ARHGAP32: variants seen among roughly 807,000 people sequenced by gnomAD.
The protein encoded by ARHGAP32 is Rho GTPase activating protein 32.
ARHGAP32 carries 51 observed loss-of-function variants against 186.5 expected under a neutral mutation model. The ratio of observed to expected loss-of-function variants is 0.27; its 90% CI spans 0.22 to 0.35. ARHGAP32 has a LOEUF of 0.35. ARHGAP32 is among the 10% of genes least tolerant of loss of function. The pLI is 1.00. For synonymous variants in ARHGAP32, 950 were observed against 964.3 expected (o/e 0.99, Z 0.27); for missense variants, 2,186 against 2,623.5 (o/e 0.83, Z 3.64).
rs375747287 is a variant in ARHGAP32, at chr11:129,203,718, CAAAAAAA to C, written c.-4-39298_-4-39292del. 3.4e-3 allele frequency among the ~76,000 whole-genome samples: 275 copies of C among 81,602 alleles called. 4 individuals carry two copies. The highest frequency in any genetic ancestry group is 0.013 in the African/African-American group (262 of 20,444). The allele number at this position is 81,602 out of a possible 152,430, so 53.5% of individuals were successfully genotyped here. A position where few individuals can be genotyped will look rare whatever the true frequency, so the allele number is the denominator to read the frequency against. On this transcript the variant is annotated intron_variant, in intron 1 of 6. Transcript: ENST00000525234. The stretch of plus-strand genomic sequence containing the variant: ...CAGGTTGAACAAAGTCTTGTCTCTA[CAAAAAAA>C]AAAAAAAAAAGAAAGAAAAAAGAAA...
intron 2 of ARHGAP32, among the ~76,000 whole-genome samples, chr11:129,146,047 G>T (rs147686653): frequency 6.6e-6 from 1 of 151,962 alleles, no homozygotes; most frequent in Admixed American, 6.6e-5. Flanking sequence ...AAAACATTCC[G>T]CTTTTAAAGA....
chr11:129,184,579 A>G (rs1298978522), intron 1 of ARHGAP32, among the ~76,000 whole-genome samples: 1 of 152,038 alleles, frequency 6.6e-6, no homozygotes. Flanking sequence ...GTAAAAAGAA[A>G]TATATCATAA....
At chr11:129,122,498 T>C (rs1176697066) in intron 5 of ARHGAP32, among the ~76,000 whole-genome samples, 1 of 152,138 alleles carries the variant, frequency 6.6e-6, no homozygotes, top group African/African-American at 2.4e-5. Context: ...AAGAAATTTA[T>C]CATGTTAACT....
At chr11:129,272,861 C>T (rs1000176249) in intron 1 of ARHGAP32, among the ~76,000 whole-genome samples, 5 of 152,138 alleles carry the variant, frequency 3.3e-5, no homozygotes, top group African/African-American at 9.7e-5. Context: ...AAGGGTTATC[C>T]GTTGATTGCA....
intron 12 of ARHGAP32, among the ~76,000 whole-genome samples, chr11:128,989,052 A>T (rs1945961015): frequency 6.6e-6 from 1 of 152,186 alleles, no homozygotes; most frequent in Non-Finnish European, 1.5e-5. Flanking sequence ...AAACATTCAG[A>T]GTGGCAAATG....
Position 128,970,501 on chromosome 11 carries a change from T to A in ARHGAP32, c.4712A>T (p.Tyr1571Phe). ...GACAGAGGAGCTCAAAGAAGACACA[T>A]ACTCGACCCGGCTGCATGGCTTGGA... ...HHSKPCSRVE[Y>F]VSSLSSSVRN... The change falls in exon 23 of 23, where the codon TAT becomes TTT. Residue 1571 changes from tyrosine to phenylalanine, a missense_variant. Tyr to Phe is a conservative substitution (Grantham distance 22, BLOSUM62 3). Around this residue, in one of 5 missense-constraint regions of ARHGAP32, gnomAD observed 1,502 missense variants for 1,570.0 expected, o/e 0.96. Coordinates refer to ENST00000682385, the MANE Select transcript of ARHGAP32 (RefSeq NM_001378024.1). This position sits in a 1 kb window ranked among gnomAD's most constrained non-coding sequence, Gnocchi z 5.8. 1 of 1,614,156 alleles carries A rather than the reference T, an allele frequency of 6.2e-7. No homozygotes were observed. The highest frequency in any genetic ancestry group is 8.5e-7 in the Non-Finnish European group (1 of 1,180,024).
upstream of ARHGAP32, among the ~76,000 whole-genome samples, chr11:129,196,767 T>C (rs556161701): frequency 6.6e-6 from 1 of 152,232 alleles, no homozygotes; most frequent in Admixed American, 6.5e-5. Context: ...GCATTAAAAA[T>C]ACTTTTCAGG....
chr11:129,011,055 T>C (rs1413316932), intron 11 of ARHGAP32, among the ~76,000 whole-genome samples: 1 of 152,194 alleles, frequency 6.6e-6, no homozygotes, highest in Non-Finnish European at 1.5e-5. Flanking sequence ...GAGATTACGA[T>C]GGGGAACAGG....
intron 5 of ARHGAP32, among the ~76,000 whole-genome samples, chr11:129,107,195 T>A (rs988610959): frequency 6.6e-6 from 1 of 152,140 alleles, no homozygotes; most frequent in Non-Finnish European, 1.5e-5. Flanking sequence ...CAACTAGCAA[T>A]CCTATATCCA....
At chr11:129,247,754 A>C (rs1255646499) in intron 1 of ARHGAP32, among the ~76,000 whole-genome samples, 1 of 152,208 alleles carries the variant, frequency 6.6e-6, no homozygotes, top group Non-Finnish European at 1.5e-5. Context: ...ATAGCAAAAC[A>C]GGAATAAAAT....
intron 1 of ARHGAP32, among the ~76,000 whole-genome samples, chr11:129,201,029 G>A (rs990450527): frequency 6.6e-6 from 1 of 152,120 alleles, no homozygotes; most frequent in African/African-American, 2.4e-5. Context: ...CCATGAATGT[G>A]AAGTATGGAA....
intron 11 of ARHGAP32, among the ~76,000 whole-genome samples, chr11:129,040,101 A>C (rs1939529611): frequency 6.6e-6 from 1 of 151,804 alleles, no homozygotes. Context: ...GTGGGAAAAT[A>C]CCAAAAGAGT....
At chr11:128,984,642 A>T (rs1945809096) in intron 15 of ARHGAP32, among the ~76,000 whole-genome samples, 1 of 152,182 alleles carries the variant, frequency 6.6e-6, no homozygotes, top group South Asian at 2.1e-4. Context: ...ATACATTATA[A>T]AGCAGGAGAT....
chr11:129,228,625 C>T (rs1770836607), intron 1 of ARHGAP32, among the ~76,000 whole-genome samples: 1 of 152,154 alleles, frequency 6.6e-6, no homozygotes. Context: ...TCAAATACCA[C>T]ATGTTCTCAC....
chr11:129,164,100 C>G (rs920971857), intron 2 of ARHGAP32, among the ~76,000 whole-genome samples: 2 of 152,120 alleles, frequency 1.3e-5, no homozygotes, highest in African/African-American at 4.8e-5. Flanking sequence ...TAGCACCTAT[C>G]CTTTCACACT....
intron 1 of ARHGAP32, among the ~76,000 whole-genome samples, chr11:129,189,180 T>C (rs547947389): frequency 2.6e-5 from 4 of 152,220 alleles, no homozygotes; most frequent in Admixed American, 6.5e-5. Flanking sequence ...TAGCAGAAAA[T>C]AGCATTTAGC....
At chr11:129,019,544 TG>T in intron 11 of ARHGAP32, among the ~76,000 whole-genome samples, 1 of 152,314 alleles carries the variant, frequency 6.6e-6, no homozygotes, top group African/African-American at 2.4e-5. Flanking sequence ...ATAACTTAAA[TG>T]TAATAAGTTA....
intron 1 of ARHGAP32, among the ~76,000 whole-genome samples, chr11:129,198,129 A>C (rs1199139135): frequency 5.9e-5 from 9 of 152,220 alleles, no homozygotes; most frequent in Admixed American, 2.0e-4. Context: ...TCAAAGGGAG[A>C]TCTAACTTTC....
At chr11:129,092,680 G>C (rs895928369) in intron 6 of ARHGAP32, among the ~76,000 whole-genome samples, 2 of 151,902 alleles carry the variant, frequency 1.3e-5, no homozygotes, top group Non-Finnish European at 2.9e-5. Context: ...CTTAATTCTG[G>C]TAAGTTTTCC....
Sources: allele counts gnomAD v4.1 joint callset (sites outside exome capture counted in the v4.1 genomes callset), GRCh38; gene constraint gnomAD v4.1.1; regional missense constraint gnomAD v4.1.1; non-coding constraint Gnocchi (gnomAD v3.1); transcripts MANE v1.5; gene names NCBI Gene and HGNC (gene_info 2026-07-23, HGNC 2026-07-21).